The following CYLD variants were observed in gnomAD, a reference collection of about 807,000 sequenced individuals.
CYLD encodes CYLD lysine 63 deubiquitinase, also known as ubiquitin carboxyl-terminal hydrolase CYLD.
In CYLD, 26 loss-of-function variants were observed where a neutral mutation model predicts 104.5. The observed-to-expected ratio is 0.25, with a 90% CI of 0.18 to 0.35. CYLD has a LOEUF of 0.35. Among genes scored for constraint, CYLD ranks in the 10% least tolerant of loss-of-function variants. CYLD has a pLI of 1.00. For synonymous variants in CYLD, 385 were observed against 399.9 expected (o/e 0.96, Z 0.45); for missense variants, 703 against 1,136.1 (o/e 0.62, Z 5.48).
In CYLD at chr16:50,799,173, C is replaced by T. The variant is rs986874729; in HGVS notation, c.*2665C>T. On this transcript the variant is annotated 3_prime_UTR_variant, in exon 19 of 19. Coordinates refer to ENST00000427738, the MANE Select transcript of CYLD (RefSeq NM_001378743.1). ...GTTTTGGTTATCTTTTATTCCTTATCTACAATCAAGATGACAATGTAATTG... is the reference window on the plus strand; with the variant it reads ...GTTTTGGTTATCTTTTATTCCTTATTTACAATCAAGATGACAATGTAATTG... The T allele has an allele frequency of 4.3e-6, 1 of 233,290 alleles. No individual in the cohort carries two copies. The highest frequency in any genetic ancestry group is 8.5e-6 in the Non-Finnish European group (1 of 118,056). The allele number at this position is 233,290 out of a possible 1,614,324, so 14.5% of individuals were successfully genotyped here.
Position 50,797,067 on chromosome 16 carries a change from C to T in CYLD, c.*559C>T. ...TCTGCTCAGTTTTTCTGTGTTTCTG[C>T]AATAGTGGTCAGAAAAATACTTAAA... On this transcript the variant is annotated 3_prime_UTR_variant, in exon 19 of 19. Transcript: ENST00000427738. 1 of 235,972 alleles carries T rather than the reference C, an allele frequency of 4.2e-6. No individual in the cohort carries two copies. Among genetic ancestry groups the T allele is most frequent in the South Asian group, 1.7e-4 (1 of 5,800 alleles). 14.6% of individuals were successfully genotyped at this position (235,972 alleles called of 1,614,324 possible).
chr16:50,766,512 T>C (rs1352037364), intron 5 of CYLD, among the ~76,000 whole-genome samples: 3 of 152,188 alleles, frequency 2.0e-5, no homozygotes, highest in African/African-American at 7.2e-5. Flanking sequence ...GTAATTTCTA[T>C]TTGCAAGTTT....
chr16:50,785,966 C>T (rs1597070253), intron 12 of CYLD: 1 of 152,310 alleles, frequency 6.6e-6, no homozygotes, highest in East Asian at 1.9e-4. Flanking sequence ...TTAGCTAGTT[C>T]TGACTTGTCC....
At chr16:50,751,939 T>C (rs761539625) in intron 4 of CYLD, 33 bp downstream of exon 4, 1 of 1,231,704 alleles carries the variant, frequency 8.1e-7, no homozygotes, top group Non-Finnish European at 1.1e-6. Flanking sequence ...ATCTTTGTGA[T>C]ATATATATTA....
Position 50,749,859 on chromosome 16 carries a change from C to A in CYLD, c.161C>A (p.Ser54Tyr). 6.2e-7 allele frequency: 1 copy of A among 1,614,112 alleles called. No individual in the cohort carries two copies. The highest frequency in any genetic ancestry group is 8.5e-7 in the Non-Finnish European group (1 of 1,180,012). The part of the protein sequence containing the change: ...GSIGQYIQDR[S>Y]VGHSRIPSAK... ...ATAGGACAGTATATTCAAGATCGTT[C>A]TGTGGGGCATTCAAGGATTCCTTCT... Residue 54 changes from serine to tyrosine, a missense_variant, in exon 3 of 19, where the codon TCT becomes TAT. Around this residue, in one of 5 missense-constraint regions of CYLD, gnomAD observed 142 missense variants for 165.1 expected, o/e 0.86. Transcript: ENST00000427738.
chr16:50,743,510 G>T (rs191657297), intron 2 of CYLD, among the ~76,000 whole-genome samples: 181 of 152,284 alleles, frequency 1.2e-3, no homozygotes, highest in Admixed American at 2.4e-3. Context: ...AGCAGATAAG[G>T]CTTGTTATAT....
At chr16:50,766,175 G>T (rs1318584061) in intron 5 of CYLD, among the ~76,000 whole-genome samples, 2 of 152,208 alleles carry the variant, frequency 1.3e-5, no homozygotes, top group Admixed American at 6.5e-5. Context: ...TTTGTTAGGG[G>T]TTAATGCAGT....
At chr16:50,776,111 C>T in intron 6 of CYLD, 68 bp from the exon 7 acceptor site, 1 of 1,136,398 alleles carries the variant, frequency 8.8e-7, no homozygotes, top group Non-Finnish European at 1.3e-6. Flanking sequence ...TATTTTGTTA[C>T]TGTCATTCCT....
Position 50,794,065 on chromosome 16 carries a change from C to T in CYLD, c.2470-147C>T, listed in dbSNP as rs2151037985. 4 of 707,152 alleles carry T rather than the reference C, an allele frequency of 5.7e-6. No homozygotes were observed. The East Asian group carries it at 1.1e-4, about 19-fold the overall frequency. The allele number at this position is 707,152 out of a possible 1,614,324, so 43.8% of individuals were successfully genotyped here. A position where few individuals can be genotyped will look rare whatever the true frequency, so the allele number is the denominator to read the frequency against. On this transcript the variant is annotated intron_variant, in intron 17 of 18. Coordinates refer to ENST00000427738, the MANE Select transcript of CYLD (RefSeq NM_001378743.1). This position sits in a 1 kb window ranked among gnomAD's most constrained non-coding sequence, Gnocchi z 4.1. ...GCCTCAGCCTCCCGAGTAGCTGGGA[C>T]TGCAGGCGCCTGCCACCACGCCCAG...
chr16:50,782,544 G>T, intron 11 of CYLD, 78 bp downstream of exon 11: 1 of 1,435,312 alleles, frequency 7.0e-7, no homozygotes, highest in Non-Finnish European at 9.8e-7. Flanking sequence ...GTGTGTGTGC[G>T]TGTGAGTGTG....
intron 3 of CYLD, among the ~76,000 whole-genome samples, chr16:50,750,596 A>G (rs898865995): frequency 3.3e-5 from 5 of 152,162 alleles, no homozygotes; most frequent in African/African-American, 9.7e-5. Context: ...CTTTTTAATG[A>G]TGAATTGCGA....
intron 5 of CYLD, among the ~76,000 whole-genome samples, chr16:50,768,623 T>C (rs1476558612): frequency 3.3e-5 from 5 of 152,226 alleles, no homozygotes; most frequent in African/African-American, 4.8e-5. Flanking sequence ...TCTAAATGGT[T>C]AAAAACACTG....
chr16:50,776,176 C>T lies in CYLD; in HGVS notation c.923-3C>T, dbSNP rs375796473. 1 of 1,604,740 alleles carries T rather than the reference C, an allele frequency of 6.2e-7. No homozygotes were observed. ...TCTTTAAAAAACATGCTTACTGTTT[C>T]AGAGAGTGTGACGCAGGAAAGGAGG... On this transcript the variant is annotated splice_polypyrimidine_tract_variant and splice_region_variant and intron_variant, in intron 6 of 18. Transcript: ENST00000427738.
intron 8 of CYLD, among the ~76,000 whole-genome samples, chr16:50,779,197 T>C (rs897393226): frequency 7.2e-5 from 11 of 152,190 alleles, no homozygotes; most frequent in Non-Finnish European, 1.5e-4. Context: ...AAATAAGCAA[T>C]GAAGTCTATA....
intron 5 of CYLD, among the ~76,000 whole-genome samples, chr16:50,765,965 C>T (rs1968467714): frequency 6.6e-6 from 1 of 152,204 alleles, no homozygotes; most frequent in Admixed American, 6.5e-5. Context: ...CAAGATGAAG[C>T]AGCAAGTGCT....
At position 50,799,154 on chromosome 16, in the gene CYLD, G is replaced by A. The variant is rs563329143; in HGVS notation, c.*2646G>A. On this transcript the variant is annotated 3_prime_UTR_variant, in exon 19 of 19. Coordinates refer to ENST00000427738, the MANE Select transcript of CYLD (RefSeq NM_001378743.1). ...TCCTGTTGGCTATTTAAAGGTTTTG[G>A]TTATCTTTTATTCCTTATCTACAAT... 71 of 233,302 alleles carry A rather than the reference G, an allele frequency of 3.0e-4. 1 individual carries two copies. The South Asian group carries it at 0.013, about 41-fold the overall frequency. 14.5% of individuals were successfully genotyped at this position (233,302 alleles called of 1,614,324 possible).
At position 50,798,249 on chromosome 16, in the gene CYLD, G is replaced by T. The variant is rs2151051694; in HGVS notation, c.*1741G>T. 1 of 232,196 alleles carries T rather than the reference G, an allele frequency of 4.3e-6. No individual in the cohort carries two copies. Among genetic ancestry groups the T allele is most frequent in the South Asian group, 1.8e-4 (1 of 5,510 alleles). The allele number at this position is 232,196 out of a possible 1,614,324, so 14.4% of individuals were successfully genotyped here. A position where few individuals can be genotyped will look rare whatever the true frequency, so the allele number is the denominator to read the frequency against. ...ATGATTAGGAATCTAAATGAAGCCA[G>T]CCCTCGGTATCTGCAGGTTTCTCAT... On this transcript the variant is annotated 3_prime_UTR_variant, in exon 19 of 19. Coordinates refer to ENST00000427738, the MANE Select transcript of CYLD (RefSeq NM_001378743.1).
rs747983382 is a variant in CYLD, at chr16:50,794,367, T to G, written c.2625T>G (p.Phe875Leu). The part of the protein sequence containing the change: ...LCIETSHYVA[F>L]VKYGKDDSAW... ...TAGAAACAAGCCACTATGTTGCTTT[T>G]GTGAAGTATGGGAAGGACGATTCTG... Residue 875 changes from phenylalanine (F) to leucine (L), a missense_variant, in exon 18 of 19, where the codon TTT becomes TTG. Coordinates refer to ENST00000427738, the MANE Select transcript of CYLD (RefSeq NM_001378743.1). The surrounding 1 kb of genome is among the most constrained non-coding windows in gnomAD (Gnocchi z 4.1). 3 of 1,614,208 alleles carry G rather than the reference T, an allele frequency of 1.9e-6. No individual in the cohort carries two copies. The highest frequency in any genetic ancestry group is 8.5e-7 in the Non-Finnish European group (1 of 1,180,034).
At chr16:50,781,156 A>C in intron 9 of CYLD, 90 bp from the exon 10 acceptor site, 2 of 1,396,100 alleles carry the variant, frequency 1.4e-6, no homozygotes, top group Non-Finnish European at 2.0e-6. Flanking sequence ...GAGAAAGGGT[A>C]TACTAGAAAC....
Sources: allele counts gnomAD v4.1 joint callset (sites outside exome capture counted in the v4.1 genomes callset), GRCh38; gene constraint gnomAD v4.1.1; regional missense constraint gnomAD v4.1.1; non-coding constraint Gnocchi (gnomAD v3.1); transcripts MANE v1.5; gene names NCBI Gene and HGNC (gene_info 2026-07-23, HGNC 2026-07-21).